Variants in XKR6 observed in about 807,000 individuals in gnomAD.
XKR6 encodes the protein XK-related protein 6.
In XKR6, 22 loss-of-function variants were observed where a neutral mutation model predicts 56.7. That is an observed-to-expected ratio of 0.39 (90% CI 0.28 to 0.55). The LOEUF (loss-of-function observed/expected upper bound fraction) is 0.55. Ranked by LOEUF, XKR6 falls within the 20% of genes least tolerant of loss-of-function variation. The pLI, the probability that XKR6 is intolerant of heterozygous loss-of-function variation, is 0.66. For missense variants in XKR6, 852 were observed against 889.0 expected (o/e 0.96, Z 0.53); for synonymous variants, 524 against 387.8 (o/e 1.35, Z -4.13).
intron 1 of XKR6, among the ~76,000 whole-genome samples, chr8:11,172,409 T>C (rs1802427026): frequency 1.3e-5 from 2 of 152,114 alleles, no homozygotes; most frequent in African/African-American, 2.4e-5. Flanking sequence ...AGTATTCCTT[T>C]AAAGCAACAC....
At chr8:11,110,581 G>A (rs1798849797) in intron 1 of XKR6, among the ~76,000 whole-genome samples, 1 of 152,086 alleles carries the variant, frequency 6.6e-6, no homozygotes, top group Admixed American at 6.5e-5. Flanking sequence ...AAGTTGCTCT[G>A]AATGTCGTCT....
At chr8:11,066,367 C>T (rs1276368759) in intron 1 of XKR6, among the ~76,000 whole-genome samples, 1 of 152,236 alleles carries the variant, frequency 6.6e-6, no homozygotes, top group Non-Finnish European at 1.5e-5. Flanking sequence ...ACATTTCTGT[C>T]CCTGGTGAAA....
intron 2 of XKR6, among the ~76,000 whole-genome samples, chr8:10,923,232 G>A (rs1800775315): frequency 6.6e-6 from 1 of 152,218 alleles, no homozygotes. Flanking sequence ...CTCAGGCCTG[G>A]CTTTCCCTGT....
intron 1 of XKR6, among the ~76,000 whole-genome samples, chr8:11,151,616 G>A (rs1801271836): frequency 6.6e-6 from 1 of 152,018 alleles, no homozygotes; most frequent in African/African-American, 2.4e-5. Flanking sequence ...CTGGAAGCCT[G>A]GTGGATTCAG....
chr8:10,973,234 G>C (rs1269016506), intron 1 of XKR6, among the ~76,000 whole-genome samples: 7 of 152,168 alleles, frequency 4.6e-5, no homozygotes, highest in African/African-American at 1.7e-4. Flanking sequence ...CATCACTAAT[G>C]GGTCATATAT....
intron 1 of XKR6, among the ~76,000 whole-genome samples, chr8:10,981,597 G>C (rs140500225): frequency 3.9e-4 from 60 of 152,274 alleles, no homozygotes; most frequent in Non-Finnish European, 6.8e-4. Flanking sequence ...TAGACCCAGG[G>C]ATCTAGAATA....
chr8:10,940,269 C>T (rs1801346794), intron 1 of XKR6, among the ~76,000 whole-genome samples: 1 of 152,356 alleles, frequency 6.6e-6, no homozygotes, highest in South Asian at 2.1e-4. Flanking sequence ...GGGCACCACA[C>T]TCACAGGACT....
intron 1 of XKR6, among the ~76,000 whole-genome samples, chr8:10,933,192 C>G (rs1162041454): frequency 8.5e-6 from 1 of 118,206 alleles, no homozygotes; most frequent in Non-Finnish European, 1.8e-5. Flanking sequence ...GCATAAATGT[C>G]TTCTTTTGAG....
chr8:11,132,832 T>C (rs1248328208), intron 1 of XKR6, among the ~76,000 whole-genome samples: 1 of 149,410 alleles, frequency 6.7e-6, no homozygotes, highest in Non-Finnish European at 1.5e-5. Context: ...TTACATTTCT[T>C]TTCACCTGTA....
chr8:11,132,854 G>A (rs539502429), intron 1 of XKR6, among the ~76,000 whole-genome samples: 40 of 115,258 alleles, frequency 3.5e-4, no homozygotes, highest in Admixed American at 1.5e-3. Context: ...TGCTTTGTAT[G>A]ATGTGTGAAA....
chr8:10,940,743 C>A (rs113178122), intron 1 of XKR6, among the ~76,000 whole-genome samples: 2 of 152,142 alleles, frequency 1.3e-5, no homozygotes, highest in Admixed American at 1.3e-4. Context: ...ACAACCTGTA[C>A]GCGACAACCA....
At chr8:11,070,557 C>G (rs1290254074) in intron 1 of XKR6, among the ~76,000 whole-genome samples, 2 of 152,186 alleles carry the variant, frequency 1.3e-5, no homozygotes, top group African/African-American at 2.4e-5. Flanking sequence ...CAAAGCTAGT[C>G]TTTAGGCTGG....
At chr8:11,047,134 A>T (rs900374614) in intron 1 of XKR6, among the ~76,000 whole-genome samples, 4 of 152,206 alleles carry the variant, frequency 2.6e-5, no homozygotes, top group African/African-American at 9.7e-5. Flanking sequence ...CTAAGAGAAT[A>T]GATCTTAAAT....
intron 1 of XKR6, among the ~76,000 whole-genome samples, chr8:11,131,579 C>T (rs945979448): frequency 6.6e-6 from 1 of 152,144 alleles, no homozygotes; most frequent in African/African-American, 2.4e-5. Flanking sequence ...GTTTTCCTTT[C>T]ATCCTTGCCA....
chr8:11,142,023 C>CAA (rs61218279), intron 1 of XKR6, among the ~76,000 whole-genome samples: 75 of 99,422 alleles, frequency 7.5e-4, no homozygotes, highest in Admixed American at 8.6e-4. Flanking sequence ...TACTACATTC[C>CAA]AAAAAAAAAA....
In XKR6 at chr8:11,200,732, C is replaced by T; in HGVS notation, c.608G>A (p.Gly203Asp). The change falls in exon 1 of 3, where the codon GGC (glycine) becomes GAC (aspartate). Residue 203 changes from glycine to aspartate, a missense_variant. Around this residue, in one of 4 missense-constraint regions of XKR6, gnomAD observed 417 missense variants for 355.2 expected, o/e 1.17. Transcript: ENST00000416569. This position sits in a 1 kb window ranked among gnomAD's most constrained non-coding sequence, Gnocchi z 6.4. ...LGAVEGLTSR[G>D]PPMMGAGYVH... ...GTAGCCGGCCCCCATCATGGGGGGG[C>T]CCCGGCTGGTGAGCCCCTCCACGGC... 6.3e-7 allele frequency: 1 copy of T among 1,589,572 alleles called. No homozygotes were observed. Among genetic ancestry groups the T allele is most frequent in the Non-Finnish European group, 8.5e-7 (1 of 1,171,478 alleles).
chr8:11,073,006 C>A (rs772270588), intron 1 of XKR6, among the ~76,000 whole-genome samples: 1 of 150,952 alleles, frequency 6.6e-6, no homozygotes. Context: ...GCCAAGATCG[C>A]GCCTCTGTAC....
chr8:10,999,089 C>T (rs1798181889), intron 1 of XKR6, among the ~76,000 whole-genome samples: 1 of 152,220 alleles, frequency 6.6e-6, no homozygotes, highest in South Asian at 2.1e-4. Context: ...TTGTTTTCTT[C>T]TCCCTCCTAG....
chr8:10,912,479 A>C (rs539474359), intron 2 of XKR6, among the ~76,000 whole-genome samples: 48 of 145,176 alleles, frequency 3.3e-4, no homozygotes, highest in African/African-American at 1.2e-3. Context: ...AGAGAGAGAG[A>C]GAGAGAGAGA....
Sources: allele counts gnomAD v4.1 joint callset (sites outside exome capture counted in the v4.1 genomes callset), GRCh38; gene constraint gnomAD v4.1.1; regional missense constraint gnomAD v4.1.1; non-coding constraint Gnocchi (gnomAD v3.1); transcripts MANE v1.5; gene names NCBI Gene and HGNC (gene_info 2026-07-23, HGNC 2026-07-21).